The following CACNA2D4 variants were observed in gnomAD, a reference collection of about 807,000 sequenced individuals.
The protein encoded by CACNA2D4 is calcium voltage-gated channel auxiliary subunit alpha2delta 4, also known as voltage-dependent calcium channel subunit alpha-2/delta-4.
Under a neutral mutation model 163.8 loss-of-function variants are expected in CACNA2D4, and 157 were observed. The observed-to-expected ratio is 0.96, with a 90% confidence interval of 0.84 to 1.09. CACNA2D4 has a LOEUF of 1.09. Ranked by LOEUF, CACNA2D4 falls within the 50% of genes least tolerant of loss-of-function variation. The probability of loss-of-function intolerance (pLI) is 0.00; values close to 1 mark genes in which losing one functional copy is unlikely to be tolerated. For synonymous variants in CACNA2D4, 598 were observed against 586.9 expected, an observed-to-expected ratio of 1.02 and a Z score of -0.27; for missense variants, 1,410 against 1,479.9, an observed-to-expected ratio of 0.95 and a Z score of 0.78.
At chr12:1,815,512 T>C (rs56063849) in intron 26 of CACNA2D4, among the ~76,000 whole-genome samples, 13,141 of 151,056 alleles carry the variant, frequency 0.087, 881 homozygotes, top group Middle Eastern at 0.13. Context: ...CTAAGTGACA[T>C]GATTTGTTCA....
chr12:1,901,914 C>CA (rs1866546746), intron 6 of CACNA2D4, among the ~76,000 whole-genome samples: 1 of 151,814 alleles, frequency 6.6e-6, no homozygotes, highest in Non-Finnish European at 1.5e-5. Context: ...ACCAACCAAA[C>CA]AAAAAACCTA....
intron 26 of CACNA2D4, among the ~76,000 whole-genome samples, chr12:1,825,854 T>C (rs190968289): frequency 2.0e-5 from 3 of 152,228 alleles, no homozygotes; most frequent in Admixed American, 1.3e-4. Context: ...GGACTTACCA[T>C]GTGACCTTGG....
At chr12:1,871,535 ATG>A (rs1478358918) in intron 18 of CACNA2D4, among the ~76,000 whole-genome samples, 11 of 130,190 alleles carry the variant, frequency 8.4e-5, no homozygotes, top group Admixed American at 2.4e-4. Flanking sequence ...TGTGCCACTG[ATG>A]TGTGCGTGTG....
chr12:1,854,089 G>A, intron 22 of CACNA2D4, 45 bp from the exon 23 acceptor site: 1 of 1,406,294 alleles, frequency 7.1e-7, no homozygotes, highest in Non-Finnish European at 9.9e-7. Flanking sequence ...CTTCCTCCAT[G>A]CTCATGAACA....
intron 29 of CACNA2D4, among the ~76,000 whole-genome samples, chr12:1,803,933 A>T (rs1228560552): frequency 6.6e-6 from 1 of 152,170 alleles, no homozygotes; most frequent in Non-Finnish European, 1.5e-5. Context: ...TGCATGAAAG[A>T]AGGCAGTGGA....
intron 2 of CACNA2D4, among the ~76,000 whole-genome samples, chr12:1,914,530 C>A (rs1866913758): frequency 6.6e-6 from 1 of 152,142 alleles, no homozygotes; most frequent in African/African-American, 2.4e-5. Context: ...AGGTGTTAGG[C>A]CTGCATCCCA....
intron 25 of CACNA2D4, among the ~76,000 whole-genome samples, chr12:1,841,813 C>T (rs571665370): frequency 5.9e-5 from 9 of 152,328 alleles, no homozygotes; most frequent in African/African-American, 1.9e-4. Flanking sequence ...ACATCTGCCA[C>T]GTCACCAAGA....
intron 6 of CACNA2D4, among the ~76,000 whole-genome samples, chr12:1,901,769 A>G (rs923645885): frequency 1.3e-5 from 2 of 152,104 alleles, no homozygotes; most frequent in African/African-American, 2.4e-5. Context: ...AAAAATTTAA[A>G]AAAGAACTAA....
Position 1,801,527 on chromosome 12 carries a change from C to T in CACNA2D4, c.2792+47G>A, listed in dbSNP as rs757410335. The stretch of plus-strand genomic sequence containing the variant: ...GCCAGGACCACTTAGCGTCAGCTCT[C>T]GGTTTGCTGTGTCTATTTGGACTGG... On this transcript the variant is annotated intron_variant, in intron 30 of 37. Transcript: ENST00000382722. 1.4e-5 allele frequency: 20 copies of T among 1,410,064 alleles called. No individual in the cohort carries two copies. The Middle Eastern group carries it at 5.3e-4, about 37-fold the overall frequency. The allele number at this position is 1,410,064 out of a possible 1,614,324, so 87.3% of individuals were successfully genotyped here. A position where few individuals can be genotyped will look rare whatever the true frequency, so the allele number is the denominator to read the frequency against.
intron 29 of CACNA2D4, among the ~76,000 whole-genome samples, chr12:1,804,080 A>G (rs1863431005): frequency 1.3e-5 from 2 of 151,510 alleles, no homozygotes; most frequent in East Asian, 3.9e-4. Flanking sequence ...CAGCTGGAGT[A>G]AACTCTCTCA....
Position 1,835,397 on chromosome 12 carries a change from CG to C in CACNA2D4, c.2551+5341del, listed in dbSNP as rs560173776. 3.5e-3 allele frequency: 527 copies of C among 152,512 alleles called. 4 individuals carry two copies. Among genetic ancestry groups the C allele is most frequent in the Non-Finnish European group, 4.6e-3 (314 of 68,258 alleles). 9.4% of individuals were successfully genotyped at this position (152,512 alleles called of 1,614,324 possible). On this transcript the variant is annotated intron_variant, in intron 26 of 37. Coordinates refer to ENST00000382722, the MANE Select transcript of CACNA2D4 (RefSeq NM_172364.5). Reference sequence around the variant, plus strand: ...TCACACACCCATTGCATCACCAGTGCGGTCACATGGATTGAAAGAATTAATA... The same window carrying C: ...TCACACACCCATTGCATCACCAGTGCGTCACATGGATTGAAAGAATTAATA...
chr12:1,912,200 C>A (rs951685793), intron 3 of CACNA2D4, among the ~76,000 whole-genome samples: 3 of 152,186 alleles, frequency 2.0e-5, no homozygotes, highest in Non-Finnish European at 1.5e-5. Flanking sequence ...CCAACCACTC[C>A]CGATCTCCTC....
chr12:1,887,384 T>C (rs551524981), intron 6 of CACNA2D4, among the ~76,000 whole-genome samples: 52 of 152,364 alleles, frequency 3.4e-4, no homozygotes, highest in Non-Finnish European at 5.9e-4. Context: ...GAAGTGTGAC[T>C]TTTAACATCC....
At chr12:1,895,913 A>G (rs1866390954) in intron 6 of CACNA2D4, among the ~76,000 whole-genome samples, 1 of 152,204 alleles carries the variant, frequency 6.6e-6, no homozygotes, top group Admixed American at 6.5e-5. Flanking sequence ...TGATGAGATT[A>G]CAAGTGTGAG....
In CACNA2D4 at chr12:1,875,373, C is replaced by A; in HGVS notation, c.1720-36G>T. The A allele has an allele frequency of 7.7e-7, 1 of 1,301,246 alleles. No homozygotes were observed. Among genetic ancestry groups the A allele is most frequent in the South Asian group, 1.2e-5 (1 of 84,788 alleles). 80.6% of individuals were successfully genotyped at this position (1,301,246 alleles called of 1,614,324 possible). The stretch of plus-strand genomic sequence containing the variant: ...CAGGTCAGGAAGAAAAACATGTGGT[C>A]AGTATACGTCCTGCTCAAGTTTATC... On this transcript the variant is annotated intron_variant, in intron 16 of 37. Transcript: ENST00000382722. This position sits in a 1 kb window ranked among gnomAD's most constrained non-coding sequence, Gnocchi z 4.0.
chr12:1,808,121 G>A (rs1863600022), intron 29 of CACNA2D4, among the ~76,000 whole-genome samples: 1 of 152,292 alleles, frequency 6.6e-6, no homozygotes, highest in South Asian at 2.1e-4. Flanking sequence ...GACCAAAGTG[G>A]CCCAGTGGGT....
Position 1,853,958 on chromosome 12 carries a change from T to G in CACNA2D4, c.2239A>C (p.Met747Leu), listed in dbSNP as rs34007338. 6.2e-7 allele frequency: 1 copy of G among 1,612,684 alleles called. No homozygotes were observed. The highest frequency in any genetic ancestry group is 1.1e-5 in the South Asian group (1 of 90,910). Residue 747 changes from methionine to leucine, a missense_variant, in exon 23 of 38, where the codon ATG (methionine) becomes CTG (leucine). Met to Leu is a conservative substitution (Grantham distance 15, BLOSUM62 2). Transcript: ENST00000382722. The part of the protein sequence containing the change: ...EAYWTALALN[M>L]SEESEHVVDM... ...CTGGGAACCTGGACCTACTCGGACATGTTGAGGGCCAGCGCTGTCCAGTAG... is the reference window on the plus strand; with the variant it reads ...CTGGGAACCTGGACCTACTCGGACAGGTTGAGGGCCAGCGCTGTCCAGTAG...
intron 26 of CACNA2D4, among the ~76,000 whole-genome samples, chr12:1,815,364 A>G (rs1863840371): frequency 6.8e-6 from 1 of 146,256 alleles, no homozygotes; most frequent in Non-Finnish European, 1.5e-5. Flanking sequence ...CTAGAACTTT[A>G]CATGGCTGGC....
rs557712691 is a variant in CACNA2D4 at position 1,881,751 on chromosome 12, A to G, written c.1485+1116T>C. On this transcript the variant is annotated intron_variant, in intron 13 of 37. Transcript: ENST00000382722. Reference sequence around the variant, plus strand: ...AAAGGCAGCCAGCTCGTCTCTTCTCAGCAGCAGTCGGTGATGGTCAGATGA... The same window carrying G: ...AAAGGCAGCCAGCTCGTCTCTTCTCGGCAGCAGTCGGTGATGGTCAGATGA... 1.3e-3 allele frequency among the ~76,000 whole-genome samples: 191 copies of G among 152,362 alleles called. 1 individual carries two copies. The highest frequency in any genetic ancestry group is 4.6e-3 in the African/African-American group (190 of 41,576).
Sources: gnomAD v4.1 joint callset for allele counts (sites outside exome capture counted in the v4.1 genomes callset) on GRCh38, gnomAD v4.1.1 for gene constraint, Gnocchi (gnomAD v3.1) non-coding constraint, MANE v1.5 for transcripts, NCBI Gene and HGNC (gene_info 2026-07-23, HGNC 2026-07-21) for gene names.